The following FMN1 variants were observed in gnomAD, a reference collection of about 807,000 sequenced individuals.
FMN1 encodes the protein formin 1.
FMN1 carries 110 observed loss-of-function variants against 132.4 expected under a neutral mutation model. That is an observed-to-expected ratio of 0.83 (90% CI 0.71 to 0.97). The LOEUF (loss-of-function observed/expected upper bound fraction) is 0.97, where lower values mean the gene tolerates loss of function less well. Ranked by LOEUF, FMN1 falls within the 50% of genes least tolerant of loss-of-function variation. The pLI, the probability that FMN1 is intolerant of heterozygous loss-of-function variation, is 0.00. For missense variants in FMN1, 1,792 were observed against 1,705.3 expected, an observed-to-expected ratio of 1.05 and a Z score of -0.90; for synonymous variants, 722 against 651.7, an observed-to-expected ratio of 1.11 and a Z score of -1.64.
intron 10 of FMN1, among the ~76,000 whole-genome samples, chr15:32,920,796 G>C (rs752152539): frequency 1.3e-5 from 2 of 152,210 alleles, no homozygotes; most frequent in Non-Finnish European, 2.9e-5. Context: ...TGCATCTGAT[G>C]TGAGCAACCG....
chr15:32,807,667 ATTGAGCATCAGGTAAGAT>A (rs1256221679), intron 17 of FMN1, among the ~76,000 whole-genome samples: 1 of 152,224 alleles, frequency 6.6e-6, no homozygotes, highest in Non-Finnish European at 1.5e-5. Context: ...TTCAAACTGA[ATTGAGCATCAGGTAAGAT>A]TTTGCAATAC....
At chr15:32,923,246 T>C (rs1292949848) in intron 10 of FMN1, among the ~76,000 whole-genome samples, 2 of 152,182 alleles carry the variant, frequency 1.3e-5, no homozygotes, top group South Asian at 2.1e-4. Context: ...CCCTCTCACA[T>C]TAAAATAAAC....
intron 9 of FMN1, among the ~76,000 whole-genome samples, chr15:32,963,293 T>C (rs1214962553): frequency 3.0e-5 from 4 of 135,340 alleles, no homozygotes; most frequent in Non-Finnish European, 4.6e-5. Flanking sequence ...TACTGAACAA[T>C]GAGAACACGT....
intron 3 of FMN1, among the ~76,000 whole-genome samples, chr15:33,165,390 G>GT (rs1965057144): frequency 1.3e-5 from 2 of 152,130 alleles, no homozygotes; most frequent in Non-Finnish European, 2.9e-5. Flanking sequence ...GTTTAAGTAG[G>GT]TTTTTCTTTC....
chr15:33,028,836 A>C (rs1441017299), intron 6 of FMN1, among the ~76,000 whole-genome samples: 6 of 152,198 alleles, frequency 3.9e-5, no homozygotes, highest in South Asian at 2.1e-4. Context: ...CTAATACAGA[A>C]ACAAAATACT....
At position 32,953,876 on chromosome 15, in the gene FMN1, C is replaced by T. The variant is rs552864560; in HGVS notation, c.3138+10231G>A. ...GTCTGGTTTGCAGTATATCCCATGC[C>T]GCTCATTGACTAGGTAAAAATCTAA... On this transcript the variant is annotated intron_variant, in intron 9 of 20. Transcript: ENST00000616417. Among the ~76,000 whole-genome samples the T allele has an allele frequency of 1.4e-4, 22 of 152,254 alleles. 1 individual carries two copies. The highest frequency in any genetic ancestry group is 7.8e-4 in the Admixed American group (12 of 15,298).
At chr15:33,000,982 C>A (rs866193584) in intron 7 of FMN1, among the ~76,000 whole-genome samples, 1 of 152,090 alleles carries the variant, frequency 6.6e-6, no homozygotes, top group South Asian at 2.1e-4. Flanking sequence ...GACAAGTCAC[C>A]CTTAAAGAAT....
At chr15:33,100,411 T>C (rs959850754) in intron 4 of FMN1, among the ~76,000 whole-genome samples, 2 of 152,154 alleles carry the variant, frequency 1.3e-5, no homozygotes, top group African/African-American at 4.8e-5. Flanking sequence ...TTTGAAAAGA[T>C]ATTTGGCAAT....
At chr15:33,126,828 C>T (rs2444958) in intron 4 of FMN1, among the ~76,000 whole-genome samples, 134,929 of 152,240 alleles carry the variant, frequency 0.89, 59,896 homozygotes, top group East Asian at 0.97. Flanking sequence ...GCCTTCCTGG[C>T]GAGTCTTCTG....
intron 7 of FMN1, among the ~76,000 whole-genome samples, chr15:32,995,244 G>A (rs1389642310): frequency 6.6e-6 from 1 of 152,108 alleles, no homozygotes; most frequent in East Asian, 1.9e-4. Context: ...ACCTGTAACA[G>A]CTTTCCAAGA....
At chr15:33,123,032 C>T (rs1962716296) in intron 4 of FMN1, among the ~76,000 whole-genome samples, 1 of 151,460 alleles carries the variant, frequency 6.6e-6, no homozygotes, top group Admixed American at 6.6e-5. Context: ...TGACCATGTT[C>T]ACACAACTAA....
intron 19 of FMN1, among the ~76,000 whole-genome samples, chr15:32,791,575 T>C (rs1305927898): frequency 6.6e-6 from 1 of 152,172 alleles, no homozygotes; most frequent in Non-Finnish European, 1.5e-5. Flanking sequence ...AGAAAACCTC[T>C]AGGCAGAGAG....
chr15:32,882,688 T>G (rs1429862709), intron 16 of FMN1, among the ~76,000 whole-genome samples: 3 of 152,144 alleles, frequency 2.0e-5, no homozygotes, highest in Non-Finnish European at 4.4e-5. Flanking sequence ...AAGAAAAAAT[T>G]TTTTAGTGTA....
rs149664300 is a variant in FMN1 at position 33,161,281 on chromosome 15, C to T, written c.-131-6236G>A. Among the ~76,000 whole-genome samples, 15 of 152,324 alleles carry T rather than the reference C, an allele frequency of 9.8e-5. No individual in the cohort carries two copies. The East Asian group carries it at 2.9e-3, about 29-fold the overall frequency. ...TTTTATGAACTCAATCAACAAGTTT[C>T]CTTGCCCTGTGGCTTCTACTAGATT... On this transcript the variant is annotated intron_variant, in intron 3 of 20. Coordinates refer to ENST00000616417, the MANE Select transcript of FMN1 (RefSeq NM_001277313.2).
chr15:32,903,703 T>C (rs1193228337), intron 12 of FMN1, among the ~76,000 whole-genome samples: 5 of 152,208 alleles, frequency 3.3e-5, no homozygotes, highest in African/African-American at 1.2e-4. Context: ...GCTGAATGAA[T>C]AGTTACCTAT....
chr15:32,988,115 T>C lies in FMN1; in HGVS notation c.2224-18638A>G, dbSNP rs180909992. On this transcript the variant is annotated intron_variant, in intron 7 of 20. Coordinates refer to ENST00000616417, the MANE Select transcript of FMN1 (RefSeq NM_001277313.2). ...TTGCTAATAAGCAGGGAGTGAGTGA[T>C]GCTGTTGGACTCCAATGTTTGATTC... Among the ~76,000 whole-genome samples the C allele has an allele frequency of 1.5e-4, 22 of 149,490 alleles. No homozygotes were observed. In the Admixed American group the frequency reaches 1.5e-3, roughly 10 times the overall value.
intron 15 of FMN1, among the ~76,000 whole-genome samples, chr15:32,890,559 A>G (rs192709719): frequency 1.1e-4 from 17 of 152,254 alleles, no homozygotes; most frequent in African/African-American, 2.6e-4. Flanking sequence ...GGCCATTTGT[A>G]TATCTTCTTT....
At chr15:32,867,352 C>T (rs541533856) in intron 16 of FMN1, among the ~76,000 whole-genome samples, 4 of 152,352 alleles carry the variant, frequency 2.6e-5, no homozygotes, top group African/African-American at 4.8e-5. Context: ...TCACCCTGCT[C>T]TCCCTGCCAC....
intron 2 of FMN1, among the ~76,000 whole-genome samples, chr15:33,189,606 A>G (rs1966004826): frequency 6.6e-6 from 1 of 152,238 alleles, no homozygotes; most frequent in Non-Finnish European, 1.5e-5. Context: ...GAGCACAGAT[A>G]GAAAATAGAA....
Sources: gnomAD v4.1 joint callset for allele counts (sites outside exome capture counted in the v4.1 genomes callset) on GRCh38, gnomAD v4.1.1 for gene constraint, MANE v1.5 for transcripts, NCBI Gene and HGNC (gene_info 2026-07-23, HGNC 2026-07-21) for gene names.